The following FARP1 variants were observed in gnomAD, a reference collection of about 807,000 sequenced individuals.
FARP1 encodes the protein FERM, ARHGEF and pleckstrin domain-containing protein 1.
Under a neutral mutation model 128.8 loss-of-function variants are expected in FARP1, and 52 were observed. That is an observed-to-expected ratio of 0.40 (90% CI 0.32 to 0.51). The LOEUF (loss-of-function observed/expected upper bound fraction) is 0.51, where lower values mean the gene tolerates loss of function less well. FARP1 is among the 20% of genes least tolerant of loss of function. The pLI is 0.45. For missense variants in FARP1, 1,333 were observed against 1,367.9 expected (o/e 0.97, Z 0.40); for synonymous variants, 580 against 551.8 (o/e 1.05, Z -0.72).
At chr13:98,284,911 G>A (rs746012387) in intron 2 of FARP1, among the ~76,000 whole-genome samples, 17 of 152,114 alleles carry the variant, frequency 1.1e-4, no homozygotes, top group Non-Finnish European at 2.2e-4. Context: ...TTTCCTATTA[G>A]ACAGATGGGA....
At chr13:98,384,663 G>T in intron 6 of FARP1, 67 bp from the exon 7 acceptor site, 1 of 953,436 alleles carries the variant, frequency 1.0e-6, no homozygotes, top group Non-Finnish European at 1.7e-6. Flanking sequence ...TTGGCTCACT[G>T]GGGAATATTG....
intron 3 of FARP1, among the ~76,000 whole-genome samples, chr13:98,351,591 A>C (rs541048974): frequency 6.6e-6 from 1 of 151,736 alleles, no homozygotes; most frequent in East Asian, 1.9e-4. Context: ...CAGCCTGGGC[A>C]ACAAAGCAAG....
At chr13:98,422,554 G>A (rs1891632786) in intron 16 of FARP1, among the ~76,000 whole-genome samples, 1 of 152,108 alleles carries the variant, frequency 6.6e-6, no homozygotes, top group Non-Finnish European at 1.5e-5. Context: ...TTACCTAAAA[G>A]GTTTGGGTGC....
chr13:98,417,484 A>AAG (rs1566305247), intron 16 of FARP1, among the ~76,000 whole-genome samples: 1 of 138,402 alleles, frequency 7.2e-6, no homozygotes, highest in Non-Finnish European at 1.6e-5. Context: ...AAAAAAAAAA[A>AAG]GAACACATGG....
At chr13:98,214,074 G>A (rs1234522079) in intron 2 of FARP1, among the ~76,000 whole-genome samples, 5 of 152,180 alleles carry the variant, frequency 3.3e-5, no homozygotes, top group South Asian at 2.1e-4. Context: ...AGGAGGAGCC[G>A]GCAGCCTGGG....
intron 2 of FARP1, among the ~76,000 whole-genome samples, chr13:98,293,157 A>G (rs1200315866): frequency 2.6e-5 from 4 of 152,046 alleles, no homozygotes; most frequent in African/African-American, 9.7e-5. Flanking sequence ...ACATTGCCCT[A>G]TTTTCCAGTT....
chr13:98,412,170 A>C, intron 16 of FARP1, 136 bp downstream of exon 16: 1 of 812,748 alleles, frequency 1.2e-6, no homozygotes, highest in Non-Finnish European at 2.0e-6. Context: ...TCAGCCTTCA[A>C]ATGATTTTCA....
chr13:98,440,589 A>T (rs1405665385), intron 23 of FARP1, 81 bp from the exon 24 acceptor site: 35 of 1,452,752 alleles, frequency 2.4e-5, no homozygotes, highest in Non-Finnish European at 3.2e-5. Flanking sequence ...GAGCCCCCCA[A>T]CCTTCCAGCA....
intron 1 of FARP1, among the ~76,000 whole-genome samples, chr13:98,210,606 G>T (rs945277757): frequency 2.0e-5 from 3 of 151,392 alleles, no homozygotes; most frequent in Non-Finnish European, 4.4e-5. Flanking sequence ...CTGGAGTGCG[G>T]TGGCGCGATC....
intron 1 of FARP1, among the ~76,000 whole-genome samples, chr13:98,162,186 A>T (rs1367007384): frequency 6.6e-6 from 1 of 152,164 alleles, no homozygotes; most frequent in Non-Finnish European, 1.5e-5. Context: ...TAGAAAATAG[A>T]ACTGTAGCGG....
intron 2 of FARP1, among the ~76,000 whole-genome samples, chr13:98,277,132 A>ACACACACACACACG (rs1431800697): frequency 6.7e-6 from 1 of 148,488 alleles, no homozygotes; most frequent in East Asian, 2.0e-4. Context: ...ACACACACAC[A>ACACACACACACACG]CACACACACA....
chr13:98,215,490 C>T (rs150995095), intron 2 of FARP1, among the ~76,000 whole-genome samples: 53 of 152,008 alleles, frequency 3.5e-4, no homozygotes, highest in East Asian at 9.7e-4. Flanking sequence ...CTGTCTGTAT[C>T]GATAAAATGA....
chr13:98,327,049 T>A (rs1308877402), intron 2 of FARP1, among the ~76,000 whole-genome samples: 5 of 152,244 alleles, frequency 3.3e-5, no homozygotes, highest in African/African-American at 1.2e-4. Flanking sequence ...TAACTCTCTA[T>A]GGAAGGAGAC....
At chr13:98,371,183 G>A (rs1871345057) in intron 5 of FARP1, among the ~76,000 whole-genome samples, 1 of 151,502 alleles carries the variant, frequency 6.6e-6, no homozygotes, top group South Asian at 2.1e-4. Flanking sequence ...GGAAGTTGGA[G>A]GCACAAATCC....
At chr13:98,395,192 C>T in intron 12 of FARP1, 35 bp from the exon 13 acceptor site, 6 of 1,561,710 alleles carry the variant, frequency 3.8e-6, no homozygotes, top group Non-Finnish European at 5.2e-6. Flanking sequence ...TCCCTCTTCT[C>T]TATCTCTCCG....
intron 25 of FARP1, 68 bp downstream of exon 25, chr13:98,446,273 CCCT>C: frequency 9.8e-7 from 1 of 1,018,358 alleles, no homozygotes; most frequent in South Asian, 1.4e-5. Context: ...GAGGGGGCCG[CCCT>C]CCTCTGGAAT....
chr13:98,419,758 A>C (rs1891523305), intron 16 of FARP1, among the ~76,000 whole-genome samples: 2 of 152,280 alleles, frequency 1.3e-5, no homozygotes, highest in South Asian at 4.1e-4. Context: ...GCTTCAAAAA[A>C]AGATCTATTT....
intron 2 of FARP1, among the ~76,000 whole-genome samples, chr13:98,259,320 C>A (rs1430271642): frequency 2.0e-5 from 3 of 148,576 alleles, no homozygotes; most frequent in East Asian, 1.9e-4. Context: ...GTGTACATAT[C>A]TATAAAGTGT....
chr13:98,398,060 C>T (rs1890623281), intron 13 of FARP1: 2 of 152,136 alleles, frequency 1.3e-5, no homozygotes, highest in African/African-American at 2.4e-5. Context: ...AAGGGAAGCA[C>T]CAGGCGTGCT....
Sources: gnomAD v4.1 joint callset for allele counts (sites outside exome capture counted in the v4.1 genomes callset) on GRCh38, gnomAD v4.1.1 for gene constraint, MANE v1.5 for transcripts, NCBI Gene and HGNC (gene_info 2026-07-23, HGNC 2026-07-21) for gene names.